Variants in RERE observed in about 807,000 individuals in gnomAD.
RERE encodes the protein arginine-glutamic acid dipeptide repeats protein.
A neutral mutation model predicts 146.1 loss-of-function variants in RERE; 40 were observed. The ratio of observed to expected loss-of-function variants is 0.27; its 90% CI spans 0.21 to 0.36. The LOEUF is 0.36. RERE is among the 10% of genes least tolerant of loss of function. The pLI is 1.00. For missense variants in RERE, 1,933 were observed against 2,138.7 expected (o/e 0.90, Z 1.90); for synonymous variants, 1,003 against 866.0 (o/e 1.16, Z -2.78).
intron 12 of RERE, among the ~76,000 whole-genome samples, chr1:8,395,868 G>A (rs191839733): frequency 6.6e-5 from 10 of 152,316 alleles, no homozygotes; most frequent in African/African-American, 1.9e-4. Flanking sequence ...GAATTAGCCA[G>A]TGAGAGTGCC....
At chr1:8,783,045 C>T (rs932398791) in intron 1 of RERE, among the ~76,000 whole-genome samples, 1 of 152,142 alleles carries the variant, frequency 6.6e-6, no homozygotes, top group Non-Finnish European at 1.5e-5. Context: ...CAGTGAAATT[C>T]ATCAGAGACC....
At chr1:8,434,272 T>C (rs923957603) in intron 11 of RERE, among the ~76,000 whole-genome samples, 3 of 152,178 alleles carry the variant, frequency 2.0e-5, no homozygotes, top group Middle Eastern at 3.4e-3. Context: ...TGCTCAGAAA[T>C]GTCTACAGAA....
chr1:8,767,022 C>A (rs1007761448), intron 1 of RERE, among the ~76,000 whole-genome samples: 10 of 152,090 alleles, frequency 6.6e-5, no homozygotes, highest in Non-Finnish European at 1.2e-4. Flanking sequence ...ATAAAATGTA[C>A]TGAATTAATG....
intron 1 of RERE, among the ~76,000 whole-genome samples, chr1:8,768,231 T>C (rs1022343559): frequency 5.9e-5 from 9 of 152,152 alleles, no homozygotes; most frequent in African/African-American, 1.2e-4. Flanking sequence ...ACCTTAAAGA[T>C]AGAAATAACT....
At chr1:8,666,165 A>C (rs1251404128) in intron 1 of RERE, among the ~76,000 whole-genome samples, 2 of 152,258 alleles carry the variant, frequency 1.3e-5, no homozygotes, top group African/African-American at 4.8e-5. Context: ...AGATGAAAAG[A>C]GCAGTCTAGG....
intron 2 of RERE, among the ~76,000 whole-genome samples, chr1:8,652,465 G>A (rs1647677300): frequency 6.6e-6 from 1 of 152,186 alleles, no homozygotes. Context: ...CTCAAGAAGG[G>A]AGGTGTATTA....
intron 1 of RERE, among the ~76,000 whole-genome samples, chr1:8,789,214 G>A (rs554329984): frequency 2.4e-3 from 353 of 145,294 alleles, no homozygotes; most frequent in African/African-American, 8.5e-3. Flanking sequence ...GGAAGCCGAT[G>A]GGGGAGGGTT....
intron 11 of RERE, among the ~76,000 whole-genome samples, chr1:8,464,538 T>C (rs1409838176): frequency 2.0e-5 from 3 of 152,324 alleles, no homozygotes; most frequent in Non-Finnish European, 4.4e-5. Context: ...CACATCACCA[T>C]GCCCTGACAG....
intron 2 of RERE, among the ~76,000 whole-genome samples, chr1:8,641,265 CAG>C (rs1647172686): frequency 6.6e-6 from 1 of 152,164 alleles, no homozygotes; most frequent in African/African-American, 2.4e-5. Context: ...TCCCTTTAAA[CAG>C]AGCTTTTTAC....
At chr1:8,558,130 T>C (rs1646028634) in intron 4 of RERE, among the ~76,000 whole-genome samples, 1 of 152,218 alleles carries the variant, frequency 6.6e-6, no homozygotes, top group Non-Finnish European at 1.5e-5. Context: ...CTCATCTCAT[T>C]TATTTCCGAA....
chr1:8,686,432 A>C (rs866852964), intron 1 of RERE, among the ~76,000 whole-genome samples: 1 of 152,226 alleles, frequency 6.6e-6, no homozygotes, highest in South Asian at 2.1e-4. Context: ...ATTCTGGTGG[A>C]AGAAACAAGA....
chr1:8,578,426 G>C (rs79865769), intron 4 of RERE, among the ~76,000 whole-genome samples: 2,721 of 152,118 alleles, frequency 0.018, 98 homozygotes, highest in African/African-American at 0.063. Context: ...TATTACAAAC[G>C]CATTGAACTA....
rs957128425 is a variant in RERE at position 8,361,085 on chromosome 1, G to T, written c.2422C>A (p.Pro808Thr). The T allele has an allele frequency of 5.5e-5, 79 of 1,439,614 alleles. No homozygotes were observed. The highest frequency in any genetic ancestry group is 6.9e-5 in the Non-Finnish European group (76 of 1,101,098). 89.2% of individuals were successfully genotyped at this position (1,439,614 alleles called of 1,614,324 possible). A position where few individuals can be genotyped will look rare whatever the true frequency, so the allele number is the denominator to read the frequency against. The change falls in exon 18 of 23, where the codon CCC becomes ACC. Residue 808 changes from proline (P) to threonine (T), a missense_variant. Transcript: ENST00000400908. ...GGATGCGGTGAGGGCGGCCGCTGGG[G>T]GTGCAAGGCCGGTGCCTGTTGGATG... ...THIQQAPALH[P>T]QRPPSPHPPP...
In RERE at chr1:8,423,129, A is replaced by C; in HGVS notation, c.1204-322T>G. On this transcript the variant is annotated intron_variant, in intron 11 of 22. Coordinates refer to ENST00000400908, the MANE Select transcript of RERE (RefSeq NM_001042681.2). This position sits in a 1 kb window ranked among gnomAD's most constrained non-coding sequence, Gnocchi z 5.4. Reference sequence around the variant, plus strand: ...CATTCTGGTGCACGAAGGTATAAATATGCTCCATGTTTTAATAAAACACAA... The same window carrying C: ...CATTCTGGTGCACGAAGGTATAAATCTGCTCCATGTTTTAATAAAACACAA... 3 of 268,998 alleles carry C rather than the reference A, an allele frequency of 1.1e-5. No individual in the cohort carries two copies. Among genetic ancestry groups the C allele is most frequent in the South Asian group, 5.3e-5 (1 of 18,790 alleles). The allele number at this position is 268,998 out of a possible 1,614,324, so 16.7% of individuals were successfully genotyped here.
At chr1:8,626,703 C>T (rs907686888) in intron 2 of RERE, among the ~76,000 whole-genome samples, 2 of 152,170 alleles carry the variant, frequency 1.3e-5, no homozygotes, top group Non-Finnish European at 2.9e-5. Context: ...CAGAAACATT[C>T]CAAGCCTGTG....
At chr1:8,531,793 T>A (rs1310729624) in intron 7 of RERE, among the ~76,000 whole-genome samples, 1 of 152,238 alleles carries the variant, frequency 6.6e-6, no homozygotes, top group African/African-American at 2.4e-5. Flanking sequence ...TTTTATCAAG[T>A]GCTTTTTCTA....
chr1:8,358,613 CCCGCTCCCG>C lies in RERE; in HGVS notation c.3913_3921del (p.Arg1305_Arg1307del), dbSNP rs755269311. 6.3e-7 allele frequency: 1 copy of C among 1,595,646 alleles called. No homozygotes were observed. The highest frequency in any genetic ancestry group is 1.1e-5 in the South Asian group (1 of 87,458). ...TCTCGGATCTCCCGCTCTCGGATCT[CCCGCTCCCG>C]GAGCTCCCGCTCGCGGATGGTGGGG... On this transcript the variant is annotated inframe_deletion, in exon 20 of 23. Coordinates refer to ENST00000400908, the MANE Select transcript of RERE (RefSeq NM_001042681.2).
At chr1:8,548,863 T>C (rs1314165803) in intron 6 of RERE, among the ~76,000 whole-genome samples, 1 of 152,124 alleles carries the variant, frequency 6.6e-6, no homozygotes, top group Non-Finnish European at 1.5e-5. Flanking sequence ...TGGGTGCCTG[T>C]AATCTCAGCC....
At position 8,530,311 on chromosome 1, in the gene RERE, T is replaced by TA. The variant is rs1298943326; in HGVS notation, c.830+10902dup. Among the ~76,000 whole-genome samples, 5 of 152,288 alleles carry TA rather than the reference T, an allele frequency of 3.3e-5. 1 individual carries two copies. The highest frequency in any genetic ancestry group is 2.6e-4 in the Admixed American group (4 of 15,294). ...AATTCAAATCAATTTTTTCTAAAAT[T>TA]AAAAAAACCACTTTGTCCACTATAA... On this transcript the variant is annotated intron_variant, in intron 7 of 22. Coordinates refer to ENST00000400908, the MANE Select transcript of RERE (RefSeq NM_001042681.2).
Sources: allele counts gnomAD v4.1 joint callset (sites outside exome capture counted in the v4.1 genomes callset), GRCh38; gene constraint gnomAD v4.1.1; non-coding constraint Gnocchi (gnomAD v3.1); transcripts MANE v1.5; gene names NCBI Gene and HGNC (gene_info 2026-07-23, HGNC 2026-07-21).